CADM3: variants seen among roughly 807,000 people sequenced by gnomAD.
CADM3 encodes the protein cell adhesion molecule 3.
In CADM3, 11 loss-of-function variants were observed where a neutral mutation model predicts 44.9. That is an observed-to-expected ratio of 0.25 (90% CI 0.15 to 0.41). The LOEUF (loss-of-function observed/expected upper bound fraction) is 0.41, where lower values mean the gene tolerates loss of function less well. CADM3 is among the 10% of genes least tolerant of loss of function. CADM3 has a pLI of 1.00. For missense variants in CADM3, 426 were observed against 512.0 expected (o/e 0.83, Z 1.62); for synonymous variants, 207 against 205.2 (o/e 1.01, Z -0.08).
At chr1:159,192,541 G>A in intron 2 of CADM3, 37 bp from the exon 3 acceptor site, 1 of 1,613,894 alleles carries the variant, frequency 6.2e-7, no homozygotes, top group South Asian at 1.1e-5. Context: ...AAAGGTGCCA[G>A]TAAAATCCTA....
rs761281047 is a variant in CADM3, at chr1:159,200,836, G to A, written c.1111G>A (p.Asp371Asn). Residue 371 changes from aspartate to asparagine, a missense_variant, in exon 9 of 9, where the codon GAC (aspartate) becomes AAC (asparagine). Coordinates refer to ENST00000368125, the MANE Select transcript of CADM3 (RefSeq NM_001127173.3). ...TYLTHEAKGS[D>N]DAPDADTAII... Reference sequence around the variant, plus strand: ...CCTGACACATGAGGCAAAAGGCTCCGACGATGCTCCAGACGCGGACACGGC... The same window carrying A: ...CCTGACACATGAGGCAAAAGGCTCCAACGATGCTCCAGACGCGGACACGGC... 2.8e-5 allele frequency: 45 copies of A among 1,609,262 alleles called. No homozygotes were observed. The highest frequency in any genetic ancestry group is 6.7e-5 in the Admixed American group (4 of 59,538).
rs1650303401 is a variant in CADM3, at chr1:159,203,133, T to C, written c.*2211T>C. On this transcript the variant is annotated 3_prime_UTR_variant, in exon 9 of 9. Transcript: ENST00000368125. ...GGGGTCACCCTCAATATATCTGGAT[T>C]ATCCGTGTCATTCAGCTGCCTCCTT... The C allele has an allele frequency of 6.6e-6, 1 of 152,508 alleles. No individual in the cohort carries two copies. Among genetic ancestry groups the C allele is most frequent in the Non-Finnish European group, 1.5e-5 (1 of 68,204 alleles). The allele number at this position is 152,508 out of a possible 1,614,324, so 9.4% of individuals were successfully genotyped here. A position where few individuals can be genotyped will look rare whatever the true frequency, so the allele number is the denominator to read the frequency against.
intron 1 of CADM3, chr1:159,178,652 C>T (rs1649116579): frequency 6.6e-6 from 1 of 152,120 alleles, no homozygotes; most frequent in Admixed American, 6.6e-5. Flanking sequence ...CATCTTCTCC[C>T]AGAGCACAGG....
At chr1:159,187,129 C>A (rs540696106) in intron 1 of CADM3, among the ~76,000 whole-genome samples, 3 of 152,318 alleles carry the variant, frequency 2.0e-5, no homozygotes, top group South Asian at 4.1e-4. Flanking sequence ...AAAGAAGAAG[C>A]AGCAGAGTGA....
intron 1 of CADM3, among the ~76,000 whole-genome samples, chr1:159,178,745 C>T (rs1344813590): frequency 1.3e-5 from 2 of 152,148 alleles, no homozygotes; most frequent in Non-Finnish European, 2.9e-5. Flanking sequence ...CTGATGATAT[C>T]AAACGGCGTA....
At chr1:159,192,107 A>G (rs1424326110) in intron 2 of CADM3, 31 bp downstream of exon 2, 17 of 1,611,142 alleles carry the variant, frequency 1.1e-5, no homozygotes, top group Non-Finnish European at 1.4e-5. Flanking sequence ...TTTCTCCGTG[A>G]AAACCATGGG....
chr1:159,172,320 G>A (rs181087368), intron 1 of CADM3, among the ~76,000 whole-genome samples: 122 of 152,244 alleles, frequency 8.0e-4, no homozygotes, highest in Non-Finnish European at 1.4e-3. Context: ...TGGGTAGCCA[G>A]TGCAATCCCC....
At chr1:159,182,601 G>A (rs906210302) in intron 1 of CADM3, among the ~76,000 whole-genome samples, 1 of 152,188 alleles carries the variant, frequency 6.6e-6, no homozygotes. Context: ...AAGAATCATA[G>A]AGGGGAGAAT....
intron 1 of CADM3, among the ~76,000 whole-genome samples, chr1:159,175,124 C>T (rs970399358): frequency 2.6e-5 from 4 of 152,220 alleles, no homozygotes; most frequent in Non-Finnish European, 5.9e-5. Context: ...CTAGTGCTGT[C>T]CACAGATCTG....
intron 5 of CADM3, chr1:159,194,319 C>A: frequency 3.5e-6 from 1 of 284,916 alleles, no homozygotes; most frequent in South Asian, 9.2e-5. Context: ...AACAAACGAG[C>A]TGGGCTGTGT....
At chr1:159,200,522 A>ACACACACACACGCATGCGTGCAAG (rs1650130371) in intron 8 of CADM3, among the ~76,000 whole-genome samples, 2 of 7,760 alleles carry the variant, frequency 2.6e-4, no homozygotes, top group Non-Finnish European at 5.0e-4. Context: ...GTGCAAGCAC[A>ACACACACACACGCATGCGTGCAAG]CACACACACA....
intron 1 of CADM3, among the ~76,000 whole-genome samples, chr1:159,181,295 C>G (rs755274073): frequency 1.3e-4 from 20 of 152,204 alleles, no homozygotes; most frequent in Admixed American, 7.9e-4. Flanking sequence ...AGTTCAAAGT[C>G]TGGCCTCCTG....
At chr1:159,199,632 C>T in intron 7 of CADM3, 119 bp from the exon 8 acceptor site, 8 of 1,307,080 alleles carry the variant, frequency 6.1e-6, no homozygotes, top group Non-Finnish European at 8.8e-6. Flanking sequence ...TGACACTGCT[C>T]CATTTTCCTG....
At chr1:159,199,691 G>A in intron 7 of CADM3, 60 bp from the exon 8 acceptor site, 1 of 1,611,926 alleles carries the variant, frequency 6.2e-7, no homozygotes, top group Non-Finnish European at 8.5e-7. Context: ...GGCCAAGTTG[G>A]AATGCTATAA....
At chr1:159,182,073 C>G (rs1283591055) in intron 1 of CADM3, among the ~76,000 whole-genome samples, 1 of 145,736 alleles carries the variant, frequency 6.9e-6, no homozygotes, top group Non-Finnish European at 1.5e-5. Flanking sequence ...CACACACACA[C>G]ACACACACAC....
chr1:159,192,169 G>C (rs1381740839), intron 2 of CADM3, 93 bp downstream of exon 2: 9 of 1,369,186 alleles, frequency 6.6e-6, no homozygotes, highest in Non-Finnish European at 8.0e-6. Context: ...TCATCCAGAG[G>C]CTGAGAAACA....
chr1:159,188,591 T>C (rs113463790), intron 1 of CADM3, among the ~76,000 whole-genome samples: 13 of 152,284 alleles, frequency 8.5e-5, no homozygotes, highest in African/African-American at 2.6e-4. Context: ...GTAGCAGCTC[T>C]GGGCTCTGCT....
chr1:159,174,382 G>C (rs1312867166), intron 1 of CADM3, among the ~76,000 whole-genome samples: 3 of 152,074 alleles, frequency 2.0e-5, no homozygotes, highest in Non-Finnish European at 4.4e-5. Context: ...AGTTGGCCTG[G>C]GGCCCCTAGG....
At chr1:159,199,583 A>G (rs996477342) in intron 7 of CADM3, among the ~76,000 whole-genome samples, 168 bp from the exon 8 acceptor site, 4 of 152,156 alleles carry the variant, frequency 2.6e-5, no homozygotes, top group African/African-American at 9.7e-5. Context: ...ATACTATAAT[A>G]CAGGTGTGGC....
Sources: gnomAD v4.1 joint callset for allele counts (sites outside exome capture counted in the v4.1 genomes callset) on GRCh38, gnomAD v4.1.1 for gene constraint, MANE v1.5 for transcripts, NCBI Gene and HGNC (gene_info 2026-07-23, HGNC 2026-07-21) for gene names.